Variants in SCUBE2 observed in about 807,000 individuals in gnomAD.
SCUBE2 encodes the protein signal peptide, CUB domain and EGF like domain containing 2, also known as signal peptide, CUB and EGF-like domain-containing protein 2.
A neutral mutation model predicts 125.9 loss-of-function variants in SCUBE2; 114 were observed. The observed-to-expected ratio is 0.91, with a 90% CI of 0.78 to 1.06. The LOEUF is 1.06. Among genes scored for constraint, SCUBE2 ranks in the 50% least tolerant of loss-of-function variants. The pLI is 0.00. For missense variants in SCUBE2, 1,255 were observed against 1,301.8 expected (o/e 0.96, Z 0.55); for synonymous variants, 459 against 492.9 (o/e 0.93, Z 0.91).
At chr11:9,070,207 G>A (rs1209280786) in intron 4 of SCUBE2, among the ~76,000 whole-genome samples, 8 of 152,176 alleles carry the variant, frequency 5.3e-5, no homozygotes, top group African/African-American at 9.7e-5. Context: ...TGTGGTAGCT[G>A]CTGTACAATT....
chr11:9,051,221 T>C (rs61876304), intron 13 of SCUBE2, among the ~76,000 whole-genome samples: 101 of 91,702 alleles, frequency 1.1e-3, no homozygotes, highest in East Asian at 8.3e-3. Flanking sequence ...TATCTATCTA[T>C]CTATCTACCT....
At position 9,038,892 on chromosome 11, in the gene SCUBE2, TTTC is replaced by T. The variant is rs199871691; in HGVS notation, c.2003-5099_2003-5097del. Among the ~76,000 whole-genome samples, 154 of 152,118 alleles carry T rather than the reference TTTC, an allele frequency of 1.0e-3. 3 individuals carry two copies. In the East Asian group the frequency reaches 0.023, roughly 23 times the overall value. Reference sequence around the variant, plus strand: ...ATGTTTTTCTTTTCTTTTCTTTTCTTTTCTTTTCTTTTTTCGTTTAGGAGACAG... The same window carrying T: ...ATGTTTTTCTTTTCTTTTCTTTTCTTTTTTCTTTTTTCGTTTAGGAGACAG... On this transcript the variant is annotated intron_variant, in intron 16 of 22. Transcript: ENST00000649792.
At chr11:9,023,167 G>GA (rs563034965) in intron 21 of SCUBE2, among the ~76,000 whole-genome samples, 135 of 152,192 alleles carry the variant, frequency 8.9e-4, no homozygotes, top group African/African-American at 3.0e-3. Context: ...TCCAGACACA[G>GA]AAAAAATGCC....
At chr11:9,021,336 T>G (rs1855276741) in intron 22 of SCUBE2, 139 bp from the exon 23 acceptor site, 2 of 560,986 alleles carry the variant, frequency 3.6e-6, no homozygotes. Flanking sequence ...TCCTCTGATT[T>G]TTATCTTCTT....
chr11:9,075,041 C>A (rs567050185), intron 3 of SCUBE2, among the ~76,000 whole-genome samples: 2 of 152,064 alleles, frequency 1.3e-5, no homozygotes, highest in African/African-American at 4.8e-5. Flanking sequence ...CATGGTGAAA[C>A]CCCGTCTCTA....
intron 7 of SCUBE2, 72 bp downstream of exon 7, chr11:9,065,819 G>T: frequency 7.5e-7 from 1 of 1,325,550 alleles, no homozygotes; most frequent in Non-Finnish European, 1.1e-6. Context: ...CCCAAGTTCA[G>T]GTCTGATGCA....
chr11:9,084,843 T>C (rs545835144), intron 2 of SCUBE2, among the ~76,000 whole-genome samples: 3 of 152,314 alleles, frequency 2.0e-5, no homozygotes, highest in Admixed American at 6.5e-5. Context: ...GCTCAAGTGA[T>C]CCTCCTGCCT....
chr11:9,086,806 C>T (rs2742541), intron 2 of SCUBE2, among the ~76,000 whole-genome samples: 143,902 of 149,392 alleles, frequency 0.96, 69,510 homozygotes, highest in East Asian at 1. Context: ...TGAGCCAAGA[C>T]TGCACCACTG....
At chr11:9,056,105 A>G (rs7396115) in intron 9 of SCUBE2, among the ~76,000 whole-genome samples, 196 bp from the exon 10 acceptor site, 129,299 of 152,228 alleles carry the variant, frequency 0.85, 55,144 homozygotes, top group East Asian at 1. Context: ...ACTGACTGCC[A>G]CGGCCCTCAT....
At chr11:9,035,300 C>T (rs1856665944) in intron 16 of SCUBE2, among the ~76,000 whole-genome samples, 1 of 152,136 alleles carries the variant, frequency 6.6e-6, no homozygotes, top group Admixed American at 6.5e-5. Context: ...TTATTAGCAC[C>T]CTTTTACAGA....
intron 2 of SCUBE2, among the ~76,000 whole-genome samples, chr11:9,087,523 G>A (rs1009897753): frequency 2.6e-5 from 4 of 152,090 alleles, no homozygotes; most frequent in Non-Finnish European, 5.9e-5. Context: ...GGGGGAGGGG[G>A]GAAGAGAGAG....
intron 3 of SCUBE2, among the ~76,000 whole-genome samples, chr11:9,077,787 A>T (rs1861318389): frequency 1.3e-5 from 2 of 152,246 alleles, no homozygotes; most frequent in African/African-American, 4.8e-5. Context: ...TACTGAGTCC[A>T]CAAAGAGATC....
intron 4 of SCUBE2, 44 bp downstream of exon 4, chr11:9,074,437 T>A (rs773710393): frequency 1.8e-5 from 29 of 1,608,494 alleles, no homozygotes; most frequent in Non-Finnish European, 2.4e-5. Flanking sequence ...AGGGAGAGGG[T>A]CTCAGATGTG....
At position 9,065,879 on chromosome 11, in the gene SCUBE2, G is replaced by A; in HGVS notation, c.850+12C>T. The A allele has an allele frequency of 3.7e-6, 6 of 1,611,254 alleles. No homozygotes were observed. Among genetic ancestry groups the A allele is most frequent in the Non-Finnish European group, 5.1e-6 (6 of 1,177,392 alleles). On this transcript the variant is annotated intron_variant, in intron 7 of 22. Transcript: ENST00000649792. ...ATTGCAGTGGCCAAGGAAAGGGAGT[G>A]AAGGTGCCTACCCATGAGCAGCCGC...
chr11:9,030,962 C>T, intron 17 of SCUBE2, 37 bp from the exon 18 acceptor site: 1 of 1,582,808 alleles, frequency 6.3e-7, no homozygotes, highest in Non-Finnish European at 8.6e-7. Context: ...GCAAGGCCTC[C>T]AGGCAGACCC....
chr11:9,047,354 A>G lies in SCUBE2; in HGVS notation c.2002+2T>C. ...TTAGCAAGAATGTCCCAGGCCACTCACCACATTGGTTTTCTGCATGACCCT... is the reference window on the plus strand; with the variant it reads ...TTAGCAAGAATGTCCCAGGCCACTCGCCACATTGGTTTTCTGCATGACCCT... On this transcript the variant is annotated splice_donor_variant, in intron 16 of 22. Transcript: ENST00000649792. LOFTEE classifies it high-confidence loss of function. The G allele has an allele frequency of 6.2e-7, 1 of 1,614,064 alleles. No individual in the cohort carries two copies. Among genetic ancestry groups the G allele is most frequent in the South Asian group, 1.1e-5 (1 of 91,078 alleles).
chr11:9,082,366 T>C (rs1861709035), intron 2 of SCUBE2, among the ~76,000 whole-genome samples: 2 of 152,142 alleles, frequency 1.3e-5, no homozygotes, highest in Non-Finnish European at 2.9e-5. Context: ...TATTTTTTCT[T>C]TTGTTGTATG....
intron 2 of SCUBE2, among the ~76,000 whole-genome samples, chr11:9,080,556 C>T (rs1861548566): frequency 6.6e-6 from 1 of 151,226 alleles, no homozygotes; most frequent in African/African-American, 2.4e-5. Context: ...GAGGCTGAGG[C>T]AGGAGGATTG....
At chr11:9,069,335 G>T in intron 5 of SCUBE2, 35 bp downstream of exon 5, 2 of 1,612,316 alleles carry the variant, frequency 1.2e-6, no homozygotes, top group Non-Finnish European at 1.7e-6. Flanking sequence ...GAATACGACG[G>T]TTCCCATGGC....
Sources: allele counts gnomAD v4.1 joint callset (sites outside exome capture counted in the v4.1 genomes callset), GRCh38; gene constraint gnomAD v4.1.1; transcripts MANE v1.5; gene names NCBI Gene and HGNC (gene_info 2026-07-23, HGNC 2026-07-21).